The following MEMO1 variants were observed in gnomAD, a reference collection of about 807,000 sequenced individuals.
The protein encoded by MEMO1 is mediator of cell motility 1.
Under a neutral mutation model 45.2 loss-of-function variants are expected in MEMO1, and 6 were observed. The ratio of observed to expected loss-of-function variants is 0.13; its 90% CI spans 0.07 to 0.26. The LOEUF is 0.26. MEMO1 is among the 10% of genes least tolerant of loss of function. The pLI is 1.00. For missense variants in MEMO1, 184 were observed against 370.5 expected (o/e 0.50, Z 4.13); for synonymous variants, 78 against 124.3 (o/e 0.63, Z 2.48).
At chr2:31,964,362 G>T (rs1668365782) in intron 2 of MEMO1, among the ~76,000 whole-genome samples, 1 of 152,038 alleles carries the variant, frequency 6.6e-6, no homozygotes, top group Non-Finnish European at 1.5e-5. Flanking sequence ...AATGTATGGG[G>T]TCTTACATGA....
intron 4 of MEMO1, among the ~76,000 whole-genome samples, chr2:31,926,191 A>T (rs1383350454): frequency 6.6e-6 from 1 of 152,004 alleles, no homozygotes; most frequent in African/African-American, 2.4e-5. Context: ...ACATAGTGAG[A>T]CCACATCTCT....
chr2:31,955,516 T>C (rs1667314038), intron 2 of MEMO1, among the ~76,000 whole-genome samples: 1 of 152,228 alleles, frequency 6.6e-6, no homozygotes, highest in African/African-American at 2.4e-5. Flanking sequence ...TAGGTGATAC[T>C]TAAACTCAAA....
chr2:31,996,173 G>C (rs1257631700), intron 2 of MEMO1, among the ~76,000 whole-genome samples: 1 of 151,574 alleles, frequency 6.6e-6, no homozygotes, highest in Non-Finnish European at 1.5e-5. Flanking sequence ...AAGGGAGAGA[G>C]AGGGAGAGGA....
rs1677030096 is a variant in MEMO1 at position 31,891,844 on chromosome 2, T to C, written c.580+148A>G. On this transcript the variant is annotated intron_variant, in intron 7 of 9. Transcript: ENST00000404530. ...TGATCCTTTTTAAAGGATCAAAAGA[T>C]TTTTTATTCACTTTTAAACACTGCT... 5 of 815,336 alleles carry C rather than the reference T, an allele frequency of 6.1e-6. No homozygotes were observed. The Admixed American group carries it at 9.6e-5, about 16-fold the overall frequency. 50.5% of individuals were successfully genotyped at this position (815,336 alleles called of 1,614,324 possible).
Position 31,870,896 on chromosome 2 carries a change from T to C in MEMO1, c.658-944A>G, listed in dbSNP as rs1673609735. ...CCCGGCCTACAACACAGGTCTCTTA[T>C]GAACAAGATTAATAATAAAGGAAAG... On this transcript the variant is annotated intron_variant, in intron 8 of 9. Transcript: ENST00000404530. Among the ~76,000 whole-genome samples, 5 of 152,212 alleles carry C rather than the reference T, an allele frequency of 3.3e-5. No homozygotes were observed. In the South Asian group the frequency reaches 1.0e-3, roughly 32 times the overall value.
chr2:31,902,435 GTGAATTTTAGTGTA>G (rs1679001770), intron 6 of MEMO1, among the ~76,000 whole-genome samples: 1 of 151,834 alleles, frequency 6.6e-6, no homozygotes, highest in African/African-American at 2.4e-5. Context: ...TCTTACATGA[GTGAATTTTAGTGTA>G]TAAATCATAC....
intron 2 of MEMO1, among the ~76,000 whole-genome samples, chr2:31,964,829 C>G (rs1210212226): frequency 6.6e-6 from 1 of 152,094 alleles, no homozygotes; most frequent in Non-Finnish European, 1.5e-5. Context: ...TAAATTTTTA[C>G]AAAATAGTTT....
intron 2 of MEMO1, among the ~76,000 whole-genome samples, chr2:31,960,463 ACC>A (rs1409932897): frequency 6.6e-6 from 1 of 152,174 alleles, no homozygotes; most frequent in Non-Finnish European, 1.5e-5. Context: ...ATTACACTGT[ACC>A]CTGCTAACAC....
intron 4 of MEMO1, among the ~76,000 whole-genome samples, chr2:31,929,212 ATTT>A (rs944876247): frequency 4.1e-4 from 62 of 151,910 alleles, no homozygotes; most frequent in African/African-American, 1.5e-3. Context: ...TTCCATTTTT[ATTT>A]TTATTAATTA....
chr2:31,963,301 T>C, intron 2 of MEMO1: 4 of 1,487,800 alleles, frequency 2.7e-6, no homozygotes, highest in Non-Finnish European at 3.6e-6. Context: ...CAGATAGGGA[T>C]ACAGATAGAT....
In MEMO1 at chr2:31,978,581, C is replaced by T. The variant is rs578099285; in HGVS notation, c.61+31606G>A. Among the ~76,000 whole-genome samples, 343 of 152,274 alleles carry T rather than the reference C, an allele frequency of 2.3e-3. 2 individuals are homozygous for T. The highest frequency in any genetic ancestry group is 3.2e-3 in the Non-Finnish European group (215 of 68,028). ...CCGAGTAGCTAGGACTACAGGCACA[C>T]GCCACCATGACCGGCTAGTTTTTTA... is the stretch of plus-strand genomic sequence containing the variant. On this transcript the variant is annotated intron_variant, in intron 2 of 9. Transcript: ENST00000404530.
At chr2:31,959,106 T>C (rs549868296) in intron 2 of MEMO1, among the ~76,000 whole-genome samples, 5 of 152,336 alleles carry the variant, frequency 3.3e-5, no homozygotes, top group Admixed American at 1.3e-4. Flanking sequence ...TGTTCTAAGA[T>C]GAAGACTTTG....
chr2:31,894,841 C>T (rs1336379422), intron 6 of MEMO1, among the ~76,000 whole-genome samples: 1 of 152,132 alleles, frequency 6.6e-6, no homozygotes, highest in Non-Finnish European at 1.5e-5. Flanking sequence ...CACTATGCTG[C>T]CCAGGCTAGC....
At chr2:31,985,498 G>C (rs1367017366) in intron 2 of MEMO1, among the ~76,000 whole-genome samples, 1 of 151,964 alleles carries the variant, frequency 6.6e-6, no homozygotes, top group African/African-American at 2.4e-5. Context: ...GCTAATTTTT[G>C]TATTTTTAGT....
chr2:32,007,484 CA>C (rs895000026), intron 2 of MEMO1, among the ~76,000 whole-genome samples: 2 of 152,058 alleles, frequency 1.3e-5, no homozygotes, highest in African/African-American at 4.8e-5. Flanking sequence ...TAGCATATAA[CA>C]AGGGATAAAC....
At chr2:31,950,241 CAT>C (rs1171376800) in intron 2 of MEMO1, among the ~76,000 whole-genome samples, 1 of 151,678 alleles carries the variant, frequency 6.6e-6, no homozygotes, top group Non-Finnish European at 1.5e-5. Flanking sequence ...AGCAGCTGAG[CAT>C]GATGACAGGT....
At chr2:32,005,050 A>C (rs2148614368) in intron 2 of MEMO1, among the ~76,000 whole-genome samples, 1 of 152,330 alleles carries the variant, frequency 6.6e-6, no homozygotes, top group Non-Finnish European at 1.5e-5. Flanking sequence ...TCACAGCAGC[A>C]AAACTAAAAA....
intron 6 of MEMO1, among the ~76,000 whole-genome samples, chr2:31,902,527 A>G (rs1215091280): frequency 6.6e-6 from 1 of 152,190 alleles, no homozygotes; most frequent in African/African-American, 2.4e-5. Context: ...TGCTACCTAC[A>G]GCAGATTACT....
intron 2 of MEMO1, among the ~76,000 whole-genome samples, chr2:32,004,961 A>G (rs1673870165): frequency 6.6e-6 from 1 of 151,756 alleles, no homozygotes; most frequent in African/African-American, 2.4e-5. Context: ...TGCATAGACC[A>G]TGATCTAATC....
Sources: gnomAD v4.1 joint callset for allele counts (sites outside exome capture counted in the v4.1 genomes callset) on GRCh38, gnomAD v4.1.1 for gene constraint, MANE v1.5 for transcripts, NCBI Gene and HGNC (gene_info 2026-07-23, HGNC 2026-07-21) for gene names.